MMP26: variants seen among roughly 807,000 people sequenced by gnomAD.
MMP26 encodes the protein matrix metallopeptidase 26.
A neutral mutation model predicts 31.0 loss-of-function variants in MMP26; 33 were observed. That is an observed-to-expected ratio of 1.06 (90% confidence interval 0.81 to 1.42). The LOEUF (loss-of-function observed/expected upper bound fraction) is 1.42. MMP26 is among the 40% of genes most tolerant of loss of function. The pLI, the probability that MMP26 is intolerant of heterozygous loss-of-function variation, is 0.00. For missense variants in MMP26, 347 were observed against 316.1 expected (o/e 1.10, Z -0.74); for synonymous variants, 122 against 114.9 (o/e 1.06, Z -0.40).
At chr11:4,757,203 G>A (rs11033730) in intron 1 of MMP26, among the ~76,000 whole-genome samples, 13,221 of 151,622 alleles carry the variant, frequency 0.087, 683 homozygotes, top group Middle Eastern at 0.24. Context: ...TTGTAATAAA[G>A]GTGTCAAGAC....
Position 4,950,715 on chromosome 11 carries a change from G to C in MMP26, c.-144-37353G>C, listed in dbSNP as rs1165470705. On this transcript the variant is annotated intron_variant, in intron 2 of 7. Coordinates refer to ENST00000380390, the MANE Select transcript of MMP26 (RefSeq NM_021801.5). ...TTATTATTATATATATCTGACAAAT[G>C]ATATGTAAAGAACTGCAAATGAATA... Among the ~76,000 whole-genome samples, 2 of 122,490 alleles carry C rather than the reference G, an allele frequency of 1.6e-5. 1 individual carries two copies. Among genetic ancestry groups the C allele is most frequent in the Non-Finnish European group, 3.7e-5 (2 of 54,156 alleles). 80.4% of individuals were successfully genotyped at this position (122,490 alleles called of 152,430 possible).
rs576859647 is a variant in MMP26 at position 4,923,290 on chromosome 11, G to A, written c.-144-64778G>A. 119 of 1,388,412 alleles carry A rather than the reference G, an allele frequency of 8.6e-5. 1 individual carries two copies. The highest frequency in any genetic ancestry group is 7.8e-4 in the Middle Eastern group (3 of 3,864). The allele number at this position is 1,388,412 out of a possible 1,614,324, so 86.0% of individuals were successfully genotyped here. ...AATTGCCTTTTTGTTGACAGTCAACGGTTTATTATTTTGCCACAGCACAGC... is the reference window on the plus strand; with the variant it reads ...AATTGCCTTTTTGTTGACAGTCAACAGTTTATTATTTTGCCACAGCACAGC... On this transcript the variant is annotated intron_variant, in intron 2 of 7. Coordinates refer to ENST00000380390, the MANE Select transcript of MMP26 (RefSeq NM_021801.5).
chr11:4,915,683 G>C (rs1044737742), intron 2 of MMP26: 3 of 1,575,844 alleles, frequency 1.9e-6, no homozygotes, highest in Admixed American at 3.5e-5. Flanking sequence ...AGACAAGGGG[G>C]AAGGTGGGTG....
chr11:4,978,366 C>A (rs769861473), intron 2 of MMP26, among the ~76,000 whole-genome samples: 9 of 152,254 alleles, frequency 5.9e-5, no homozygotes, highest in Non-Finnish European at 1.0e-4. Flanking sequence ...AGTGTCAGCA[C>A]TTCTAACTCA....
chr11:4,919,847 A>G (rs899158241), intron 2 of MMP26, among the ~76,000 whole-genome samples: 1 of 152,102 alleles, frequency 6.6e-6, no homozygotes, highest in Non-Finnish European at 1.5e-5. Context: ...AGGTAACCCT[A>G]TATGCTCCTG....
chr11:4,774,956 C>A (rs1848771510), intron 2 of MMP26, among the ~76,000 whole-genome samples: 1 of 152,022 alleles, frequency 6.6e-6, no homozygotes, highest in African/African-American at 2.4e-5. Flanking sequence ...GATCTTATTT[C>A]TGAGTTCTCT....
rs1250578469 is a variant in MMP26 at position 4,987,723 on chromosome 11, T to A, written c.-144-345T>A. Among the ~76,000 whole-genome samples, 6 of 152,242 alleles carry A rather than the reference T, an allele frequency of 3.9e-5. No homozygotes were observed. In the East Asian group the frequency reaches 1.2e-3, roughly 29 times the overall value. ...TGAGCCATCGTGCCAGGCCAGGTCT[T>A]GGAGATTTTCATACTCTGATCTGGA... is the stretch of plus-strand genomic sequence containing the variant. On this transcript the variant is annotated intron_variant, in intron 2 of 7. Transcript: ENST00000380390.
In MMP26 at chr11:4,804,354, A is replaced by G. The variant is rs981979846; in HGVS notation, c.-145+37013A>G. The G allele has an allele frequency of 3.1e-6, 5 of 1,614,020 alleles. No homozygotes were observed. In the African/African-American group the frequency reaches 5.3e-5, roughly 17 times the overall value. ...GCAGGATGAAGGACACAGGATGAGA[A>G]GAGCTGTTCCCTGAAGCCAGCACCA... On this transcript the variant is annotated intron_variant, in intron 2 of 7. Transcript: ENST00000380390.
At chr11:4,707,476 TAAAAAGA>T (rs928904444) in intron 1 of MMP26, among the ~76,000 whole-genome samples, 3 of 152,174 alleles carry the variant, frequency 2.0e-5, no homozygotes, top group African/African-American at 7.2e-5. Flanking sequence ...TTTACTATAA[TAAAAAGA>T]ACATTAAATT....
intron 2 of MMP26, chr11:4,876,313 G>A (rs1850378429): frequency 6.6e-6 from 1 of 152,046 alleles, no homozygotes; most frequent in Admixed American, 6.6e-5. Flanking sequence ...TTAACTGGAG[G>A]TTTTTTGTTT....
chr11:4,911,459 G>C (rs1850990369), intron 2 of MMP26, among the ~76,000 whole-genome samples: 1 of 152,128 alleles, frequency 6.6e-6, no homozygotes, highest in African/African-American at 2.4e-5. Context: ...ATCAGTGAGT[G>C]TTGAATACTG....
intron 2 of MMP26, among the ~76,000 whole-genome samples, chr11:4,920,690 T>G (rs1175813832): frequency 3.3e-5 from 5 of 152,172 alleles, no homozygotes; most frequent in Non-Finnish European, 2.9e-5. Flanking sequence ...GTCAAGGACT[T>G]TTGTTTCATT....
At chr11:4,936,998 C>A (rs991434228) in intron 2 of MMP26, among the ~76,000 whole-genome samples, 1 of 152,126 alleles carries the variant, frequency 6.6e-6, no homozygotes, top group Non-Finnish European at 1.5e-5. Context: ...TCTTACTAGG[C>A]ATTTTTTTGC....
intron 2 of MMP26, among the ~76,000 whole-genome samples, chr11:4,909,838 T>C (rs1347696074): frequency 6.6e-6 from 1 of 152,124 alleles, no homozygotes; most frequent in African/African-American, 2.4e-5. Flanking sequence ...ACAAGGCCTT[T>C]TCCATCATTC....
At chr11:4,914,717 A>G in intron 2 of MMP26, 1 of 1,600,172 alleles carries the variant, frequency 6.2e-7, no homozygotes, top group Non-Finnish European at 8.6e-7. Context: ...CACTAGACAC[A>G]GTTAGTAACA....
intron 2 of MMP26, among the ~76,000 whole-genome samples, chr11:4,927,633 G>A (rs1851290881): frequency 1.3e-5 from 2 of 152,094 alleles, no homozygotes; most frequent in Admixed American, 1.3e-4. Flanking sequence ...ATGCATGCCT[G>A]AGCCGTGACA....
In MMP26 at chr11:4,850,767, G is replaced by A. The variant is rs148547877; in HGVS notation, c.-145+83426G>A. Among the ~76,000 whole-genome samples the A allele has an allele frequency of 7.7e-3, 1,159 of 151,194 alleles. 21 individuals are homozygous for A. Among genetic ancestry groups the A allele is most frequent in the African/African-American group, 0.025 (1,013 of 41,272 alleles). On this transcript the variant is annotated intron_variant, in intron 2 of 7. Coordinates refer to ENST00000380390, the MANE Select transcript of MMP26 (RefSeq NM_021801.5). ...TTCAAGCTAAAAAAGGAAGATAAATGCAACAAAAACCTTAATCCCACAGAC... is the reference window on the plus strand; with the variant it reads ...TTCAAGCTAAAAAAGGAAGATAAATACAACAAAAACCTTAATCCCACAGAC...
At chr11:4,725,320 T>G (rs1165712085) in intron 1 of MMP26, among the ~76,000 whole-genome samples, 1 of 152,212 alleles carries the variant, frequency 6.6e-6, no homozygotes, top group Non-Finnish European at 1.5e-5. Context: ...AGACTGTTTT[T>G]TTTCCTACTA....
chr11:4,963,179 G>A (rs920868414), intron 2 of MMP26, among the ~76,000 whole-genome samples: 3 of 152,122 alleles, frequency 2.0e-5, no homozygotes, highest in African/African-American at 4.8e-5. Context: ...ACTTACAAGG[G>A]ATGTGAAGGA....
Sources: allele counts gnomAD v4.1 joint callset (sites outside exome capture counted in the v4.1 genomes callset), GRCh38; gene constraint gnomAD v4.1.1; transcripts MANE v1.5; gene names NCBI Gene and HGNC (gene_info 2026-07-23, HGNC 2026-07-21).